The following DIS3L2 variants were observed in gnomAD, a reference collection of about 807,000 sequenced individuals.
The protein encoded by DIS3L2 is DIS3-like exonuclease 2.
DIS3L2 carries 34 observed loss-of-function variants against 97.5 expected under a neutral mutation model. The observed-to-expected ratio is 0.35, with a 90% CI of 0.27 to 0.46. The LOEUF is 0.46. DIS3L2 is among the 20% of genes least tolerant of loss of function. The pLI is 1.00. For synonymous variants in DIS3L2, 435 were observed against 445.2 expected (o/e 0.98, Z 0.29); for missense variants, 1,038 against 1,146.0 (o/e 0.91, Z 1.36).
chr2:232,275,335 C>T (rs376508142), intron 13 of DIS3L2, among the ~76,000 whole-genome samples: 6 of 152,224 alleles, frequency 3.9e-5, no homozygotes, highest in Admixed American at 1.3e-4. Flanking sequence ...CTTACTGTTG[C>T]TTCCTTCAGA....
chr2:232,149,596 T>C (rs999290981), intron 8 of DIS3L2, among the ~76,000 whole-genome samples: 5 of 141,532 alleles, frequency 3.5e-5, no homozygotes, highest in African/African-American at 1.4e-4. Flanking sequence ...CAGTCTATCA[T>C]TGTTGGACAT....
chr2:232,160,847 C>A (rs551657880), intron 8 of DIS3L2, among the ~76,000 whole-genome samples: 3 of 152,060 alleles, frequency 2.0e-5, no homozygotes, highest in Non-Finnish European at 4.4e-5. Flanking sequence ...CAGAGTGAGA[C>A]CCTGTCTAAA....
rs527520915 is a variant in DIS3L2 at position 232,230,960 on chromosome 2, C to T, written c.1205-7573C>T. 9.9e-5 allele frequency among the ~76,000 whole-genome samples: 15 copies of T among 152,228 alleles called. No individual in the cohort carries two copies. In the South Asian group the frequency reaches 2.3e-3, roughly 23 times the overall value. On this transcript the variant is annotated intron_variant, in intron 10 of 20. Transcript: ENST00000325385. ...CTCTCCTGCCTGGGATGCTCTCCCC[C>T]ATGTCATCACGTGACATGGTCTTTT...
chr2:231,967,986 CAT>C (rs1692772284), intron 1 of DIS3L2, among the ~76,000 whole-genome samples: 1 of 151,894 alleles, frequency 6.6e-6, no homozygotes. Context: ...TAAGTTTTGA[CAT>C]ATGTGTGTAC....
intron 10 of DIS3L2, among the ~76,000 whole-genome samples, chr2:232,215,224 A>G (rs1328590943): frequency 1.3e-5 from 2 of 152,162 alleles, no homozygotes; most frequent in Non-Finnish European, 2.9e-5. Context: ...TCATAGTCAC[A>G]TCCCTCGTGT....
chr2:232,335,741 C>T, intron 19 of DIS3L2, 32 bp from the exon 20 acceptor site: 2 of 1,547,648 alleles, frequency 1.3e-6, no homozygotes, highest in Non-Finnish European at 1.7e-6. Flanking sequence ...GCATCCAGAG[C>T]TGAGGCCTGA....
intron 14 of DIS3L2, 28 bp from the exon 15 acceptor site, chr2:232,329,785 T>TGCCGGGGGGGCCGCCC: frequency 1.0e-6 from 1 of 967,144 alleles, no homozygotes; most frequent in Non-Finnish European, 1.5e-6. Context: ...ACCCCAGCGG[T>TGCCGGGGGGGCCGCCC]CCCTCCCATC....
chr2:232,003,891 G>A (rs145636471), intron 1 of DIS3L2, among the ~76,000 whole-genome samples: 16 of 152,188 alleles, frequency 1.1e-4, no homozygotes, highest in African/African-American at 3.9e-4. Flanking sequence ...TGTATTGTTC[G>A]TTTTCAGCAG....
chr2:232,071,311 C>T (rs1291941762), intron 5 of DIS3L2, among the ~76,000 whole-genome samples: 1 of 151,956 alleles, frequency 6.6e-6, no homozygotes, highest in Non-Finnish European at 1.5e-5. Context: ...CTTGAGAACC[C>T]AGGAGTTCTA....
At chr2:232,013,456 C>T (rs1694267771) in intron 1 of DIS3L2, among the ~76,000 whole-genome samples, 1 of 152,210 alleles carries the variant, frequency 6.6e-6, no homozygotes, top group African/African-American at 2.4e-5. Context: ...ATTAATTTTG[C>T]GAGAACTCGC....
intron 5 of DIS3L2, among the ~76,000 whole-genome samples, chr2:232,052,667 A>G (rs1695442740): frequency 6.6e-6 from 1 of 152,146 alleles, no homozygotes; most frequent in African/African-American, 2.4e-5. Flanking sequence ...CTTTGCTTGC[A>G]GTTCTCTGCA....
chr2:232,197,696 C>T (rs973750092), intron 9 of DIS3L2, among the ~76,000 whole-genome samples: 5 of 152,022 alleles, frequency 3.3e-5, no homozygotes, highest in South Asian at 2.1e-4. Flanking sequence ...TGGCTGGGCG[C>T]GGTGGCTCAA....
At chr2:232,000,479 T>C (rs1693846412) in intron 1 of DIS3L2, among the ~76,000 whole-genome samples, 1 of 152,160 alleles carries the variant, frequency 6.6e-6, no homozygotes, top group Non-Finnish European at 1.5e-5. Flanking sequence ...TCAACTTTTT[T>C]ACACGGCACA....
chr2:232,077,021 G>A (rs764311202), intron 5 of DIS3L2, among the ~76,000 whole-genome samples: 2 of 152,112 alleles, frequency 1.3e-5, no homozygotes, highest in African/African-American at 4.8e-5. Context: ...TTCCAGCAGG[G>A]TGTCTCTTCT....
intron 9 of DIS3L2, among the ~76,000 whole-genome samples, chr2:232,177,241 T>C (rs1384472025): frequency 6.9e-6 from 1 of 144,378 alleles, no homozygotes; most frequent in African/African-American, 2.6e-5. Flanking sequence ...GTCTTTGCTA[T>C]TGTGAATAAT....
chr2:232,169,258 G>A lies in DIS3L2; in HGVS notation c.1124+5626G>A, dbSNP rs34844404. Among the ~76,000 whole-genome samples, 586 of 152,152 alleles carry A rather than the reference G, an allele frequency of 3.9e-3. 7 individuals carry two copies. Among genetic ancestry groups the A allele is most frequent in the Non-Finnish European group, 3.8e-3 (260 of 68,008 alleles). The stretch of plus-strand genomic sequence containing the variant: ...TATTGAATAAATTAATATACATTTT[G>A]TAAACTAATAAAATCAAACCTTTTT... On this transcript the variant is annotated intron_variant, in intron 9 of 20. Transcript: ENST00000325385.
rs572025253 is a variant in DIS3L2 at position 232,024,908 on chromosome 2, T to C, written c.264+578T>C. Among the ~76,000 whole-genome samples the C allele has an allele frequency of 4.3e-4, 65 of 152,288 alleles. 1 individual carries two copies. Among genetic ancestry groups the C allele is most frequent in the South Asian group, 1.5e-3 (7 of 4,826 alleles). On this transcript the variant is annotated intron_variant, in intron 4 of 20. Coordinates refer to ENST00000325385, the MANE Select transcript of DIS3L2 (RefSeq NM_152383.5). The stretch of plus-strand genomic sequence containing the variant: ...CACTTAAATCAAGTTTACACTGATA[T>C]ATAGTTAGCAGCAGTTCTCTAGAGA...
chr2:232,254,805 G>A (rs1028176855), intron 12 of DIS3L2, among the ~76,000 whole-genome samples: 4 of 152,246 alleles, frequency 2.6e-5, no homozygotes, highest in African/African-American at 9.6e-5. Context: ...GAGAGCAGGT[G>A]TGAAGTAGGC....
In DIS3L2 at chr2:232,293,245, T is replaced by C. The variant is rs1694646645; in HGVS notation, c.1660-6795T>C. On this transcript the variant is annotated intron_variant, in intron 13 of 20. Transcript: ENST00000325385. This position sits in a 1 kb window ranked among gnomAD's most constrained non-coding sequence, Gnocchi z 4.6. ...AGTGTCTGAGCCACAGCTGGTCATC[T>C]GGTGGCAATTACTGAGCAGGAGGCA... 6.6e-6 allele frequency among the ~76,000 whole-genome samples: 1 copy of C among 152,140 alleles called. No individual in the cohort carries two copies. The highest frequency in any genetic ancestry group is 6.5e-5 in the Admixed American group (1 of 15,276).
Sources: gnomAD v4.1 joint callset for allele counts (sites outside exome capture counted in the v4.1 genomes callset) on GRCh38, gnomAD v4.1.1 for gene constraint, Gnocchi (gnomAD v3.1) non-coding constraint, MANE v1.5 for transcripts, NCBI Gene and HGNC (gene_info 2026-07-23, HGNC 2026-07-21) for gene names.